The following PGPEP1L variants were observed in gnomAD, a reference collection of about 807,000 sequenced individuals.
PGPEP1L encodes pyroglutamyl-peptidase 1-like protein.
A neutral mutation model predicts 6.0 loss-of-function variants in PGPEP1L; 7 were observed. The ratio of observed to expected loss-of-function variants is 1.17; its 90% CI spans 0.66 to 2.19. The LOEUF (loss-of-function observed/expected upper bound fraction) is 2.19, where lower values mean the gene tolerates loss of function less well. PGPEP1L is among the 30% of genes most tolerant of loss of function. The probability of loss-of-function intolerance (pLI) is 0.00; values close to 1 mark genes in which losing one functional copy is unlikely to be tolerated. For missense variants in PGPEP1L, 209 were observed against 192.5 expected, an observed-to-expected ratio of 1.09 and a Z score of -0.51; for synonymous variants, 103 against 83.9, an observed-to-expected ratio of 1.23 and a Z score of -1.24.
chr15:98,990,202 TC>T (rs1464201333), intron 2 of PGPEP1L, among the ~76,000 whole-genome samples: 6 of 150,724 alleles, frequency 4.0e-5, no homozygotes, highest in Non-Finnish European at 7.4e-5. Flanking sequence ...GGATAAAGAG[TC>T]AAGACCCATT....
At chr15:98,990,711 A>T (rs2017807432) in intron 2 of PGPEP1L, among the ~76,000 whole-genome samples, 1 of 152,334 alleles carries the variant, frequency 6.6e-6, no homozygotes, top group South Asian at 2.1e-4. Context: ...ACATAATTGG[A>T]AGTAAAACAC....
chr15:98,988,373 G>A (rs911908073), intron 2 of PGPEP1L, among the ~76,000 whole-genome samples: 4 of 152,162 alleles, frequency 2.6e-5, no homozygotes, highest in Non-Finnish European at 5.9e-5. Flanking sequence ...CAAAGCCACC[G>A]GGAAGTTCAA....
chr15:98,991,928 A>G lies in PGPEP1L; in HGVS notation c.-142+13501T>C, dbSNP rs186193348. 5.8e-4 allele frequency among the ~76,000 whole-genome samples: 88 copies of G among 152,318 alleles called. 1 individual carries two copies. The highest frequency in any genetic ancestry group is 2.7e-3 in the South Asian group (13 of 4,826). ...CCTTCATGCTAAAAACTCTCAATAA[A>G]CTAGGTACTGACGGAATGTATCTCA... On this transcript the variant is annotated intron_variant, in intron 2 of 4. Transcript: ENST00000535714.
chr15:98,997,685 A>G (rs2017906971), intron 2 of PGPEP1L, among the ~76,000 whole-genome samples: 1 of 152,190 alleles, frequency 6.6e-6, no homozygotes, highest in African/African-American at 2.4e-5. Flanking sequence ...TTTACATTAC[A>G]TACTTACCTC....
At chr15:99,004,743 C>A (rs1400268822) in intron 2 of PGPEP1L, among the ~76,000 whole-genome samples, 6 of 152,004 alleles carry the variant, frequency 3.9e-5, no homozygotes, top group Non-Finnish European at 8.8e-5. Flanking sequence ...AAATAAAGAC[C>A]TTTGTGAAGA....
Position 98,968,476 on chromosome 15 carries a change from G to A in PGPEP1L, c.*2C>T, listed in dbSNP as rs376384183. 4.9e-5 allele frequency: 79 copies of A among 1,611,938 alleles called. No individual in the cohort carries two copies. Among genetic ancestry groups the A allele is most frequent in the South Asian group, 4.0e-4 (36 of 90,444 alleles). ...ATTTTCTCTAGAGGAGCAATCCCCC[G>A]GTCAGTTCCCTTTGGCTGGAAGGAC... On this transcript the variant is annotated 3_prime_UTR_variant, in exon 5 of 5. Coordinates refer to ENST00000535714, the MANE Select transcript of PGPEP1L (RefSeq NM_001167902.2).
At chr15:98,994,610 A>G (rs2017863221) in intron 2 of PGPEP1L, among the ~76,000 whole-genome samples, 1 of 152,106 alleles carries the variant, frequency 6.6e-6, no homozygotes, top group Admixed American at 6.6e-5. Flanking sequence ...AAATGGAGCT[A>G]TTATTACTAC....
intron 2 of PGPEP1L, among the ~76,000 whole-genome samples, chr15:98,982,692 ATC>A (rs1238376417): frequency 6.4e-4 from 41 of 63,588 alleles, no homozygotes; most frequent in Non-Finnish European, 1.5e-3. Context: ...GGTTATTTTT[ATC>A]TGAGGCTTTT....
intron 3 of PGPEP1L, 71 bp downstream of exon 3, chr15:98,970,965 G>C: frequency 6.3e-7 from 1 of 1,591,464 alleles, no homozygotes; most frequent in Non-Finnish European, 8.6e-7. Flanking sequence ...CTAGAACCAG[G>C]ACCCGGGGGT....
intron 2 of PGPEP1L, among the ~76,000 whole-genome samples, chr15:98,978,727 T>TATATATA (rs1555470851): frequency 1.2e-4 from 3 of 25,126 alleles, no homozygotes; most frequent in South Asian, 2.2e-3. Flanking sequence ...TATATATATA[T>TATATATA]TTTTTTTTTT....
chr15:98,992,523 C>G (rs2017833351), intron 2 of PGPEP1L, among the ~76,000 whole-genome samples: 1 of 152,114 alleles, frequency 6.6e-6, no homozygotes, highest in African/African-American at 2.4e-5. Context: ...CCATACTGCC[C>G]AAAGTAATTT....
intron 2 of PGPEP1L, chr15:98,998,220 C>G (rs1475221782): frequency 6.5e-6 from 1 of 152,686 alleles, no homozygotes; most frequent in East Asian, 1.9e-4. Flanking sequence ...GGGGCCTCTA[C>G]TCCTGGCTGC....
intron 2 of PGPEP1L, among the ~76,000 whole-genome samples, chr15:98,981,301 G>T (rs2017655815): frequency 6.6e-6 from 1 of 151,922 alleles, no homozygotes; most frequent in Non-Finnish European, 1.5e-5. Flanking sequence ...GACCATCCTG[G>T]CTAACACAGT....
intron 2 of PGPEP1L, among the ~76,000 whole-genome samples, chr15:98,980,922 G>C (rs555918955): frequency 5.8e-5 from 8 of 137,870 alleles, no homozygotes; most frequent in South Asian, 5.2e-4. Context: ...GACACAGAGA[G>C]ACTCCATCTG....
At chr15:98,970,552 T>A (rs1290164583) in intron 3 of PGPEP1L, among the ~76,000 whole-genome samples, 2 of 152,070 alleles carry the variant, frequency 1.3e-5, no homozygotes, top group Admixed American at 6.6e-5. Flanking sequence ...TGGGGTTTTT[T>A]TTGGGGGGGT....
intron 2 of PGPEP1L, among the ~76,000 whole-genome samples, chr15:98,981,445 G>A (rs887611184): frequency 5.5e-5 from 8 of 144,630 alleles, no homozygotes; most frequent in South Asian, 2.2e-4. Flanking sequence ...AGCCGAGATC[G>A]CACCACTGCA....
At chr15:98,981,201 AG>A (rs2017653427) in intron 2 of PGPEP1L, among the ~76,000 whole-genome samples, 1 of 152,044 alleles carries the variant, frequency 6.6e-6, no homozygotes, top group South Asian at 2.1e-4. Context: ...ATCAAAAACT[AG>A]GAAAGTCTGG....
chr15:98,981,031 A>G (rs1019308025), intron 2 of PGPEP1L, among the ~76,000 whole-genome samples: 1 of 152,118 alleles, frequency 6.6e-6, no homozygotes, highest in Non-Finnish European at 1.5e-5. Context: ...GTGCTGTCAC[A>G]CTGATACTGT....
At chr15:98,980,697 C>T (rs1219392046) in intron 2 of PGPEP1L, among the ~76,000 whole-genome samples, 2 of 152,068 alleles carry the variant, frequency 1.3e-5, no homozygotes, top group Admixed American at 6.5e-5. Context: ...TTTGGGAGGC[C>T]GAGGTGGACG....
Sources: gnomAD v4.1 joint callset for allele counts (sites outside exome capture counted in the v4.1 genomes callset) on GRCh38, gnomAD v4.1.1 for gene constraint, MANE v1.5 for transcripts, NCBI Gene and HGNC (gene_info 2026-07-23, HGNC 2026-07-21) for gene names.